The following ASCC3 variants were observed in gnomAD, a reference collection of about 807,000 sequenced individuals.
ASCC3 encodes the protein activating signal cointegrator 1 complex subunit 3, also known as ASC-1 complex subunit P200.
Under a neutral mutation model 256.3 loss-of-function variants are expected in ASCC3, and 158 were observed. That is an observed-to-expected ratio of 0.62 (90% CI 0.54 to 0.70). The LOEUF (loss-of-function observed/expected upper bound fraction) is 0.70, where lower values mean the gene tolerates loss of function less well. Among genes scored for constraint, ASCC3 ranks in the 30% least tolerant of loss-of-function variants. The probability of loss-of-function intolerance (pLI) is 0.00; values close to 1 mark genes in which losing one functional copy is unlikely to be tolerated. For missense variants in ASCC3, 2,259 were observed against 2,626.0 expected (o/e 0.86, Z 3.05); for synonymous variants, 948 against 883.4 (o/e 1.07, Z -1.30).
intron 39 of ASCC3, 46 bp downstream of exon 39, chr6:100,516,134 T>C (rs774733527): frequency 6.2e-7 from 1 of 1,612,600 alleles, no homozygotes; most frequent in Non-Finnish European, 8.5e-7. Context: ...TTGGTACACC[T>C]TCTCAGAGTA....
chr6:100,594,131 T>C (rs772340775), intron 34 of ASCC3, among the ~76,000 whole-genome samples: 3 of 152,106 alleles, frequency 2.0e-5, no homozygotes, highest in African/African-American at 7.2e-5. Context: ...GAGGACTTCA[T>C]AGTAGTATGA....
chr6:100,596,748 T>C (rs1772323468), intron 34 of ASCC3, among the ~76,000 whole-genome samples: 1 of 152,196 alleles, frequency 6.6e-6, no homozygotes, highest in African/African-American at 2.4e-5. Flanking sequence ...TCATTTACAA[T>C]ATTTATTATT....
At chr6:100,667,326 A>C (rs1354383210) in intron 14 of ASCC3, among the ~76,000 whole-genome samples, 2 of 152,170 alleles carry the variant, frequency 1.3e-5, no homozygotes, top group African/African-American at 4.8e-5. Flanking sequence ...ATTAAAGAGC[A>C]CACACAGTGT....
At chr6:100,802,884 T>C (rs1415963727) in intron 5 of ASCC3, among the ~76,000 whole-genome samples, 1 of 151,864 alleles carries the variant, frequency 6.6e-6, no homozygotes, top group East Asian at 1.9e-4. Context: ...GGCACACACC[T>C]GTGGACCCAT....
intron 4 of ASCC3, among the ~76,000 whole-genome samples, chr6:100,828,592 G>A (rs1300050185): frequency 1.3e-5 from 2 of 152,136 alleles, no homozygotes; most frequent in East Asian, 1.9e-4. Flanking sequence ...CTTCTGGTGG[G>A]TTTGTGGTCT....
rs560667390 is a variant in ASCC3, at chr6:100,848,006, C to T, written c.801+142G>A. Reference sequence around the variant, plus strand: ...CATTAGGAACGTATATACAGGCCTGCTATGTGAAACCATTTGGCTATAGAT... The same window carrying T: ...CATTAGGAACGTATATACAGGCCTGTTATGTGAAACCATTTGGCTATAGAT... On this transcript the variant is annotated intron_variant, in intron 4 of 41. Coordinates refer to ENST00000369162, the MANE Select transcript of ASCC3 (RefSeq NM_006828.4). The T allele has an allele frequency of 3.4e-5, 26 of 772,430 alleles. No homozygotes were observed. The South Asian group carries it at 5.2e-4, about 15-fold the overall frequency. 47.8% of individuals were successfully genotyped at this position (772,430 alleles called of 1,614,324 possible). A position where few individuals can be genotyped will look rare whatever the true frequency, so the allele number is the denominator to read the frequency against.
intron 8 of ASCC3, among the ~76,000 whole-genome samples, chr6:100,784,452 C>T (rs912264115): frequency 2.0e-5 from 3 of 152,084 alleles, no homozygotes; most frequent in East Asian, 1.9e-4. Context: ...AAGATGCTTG[C>T]TTTAACATCA....
chr6:100,880,824 AG>A (rs1190058604), intron 1 of ASCC3, among the ~76,000 whole-genome samples: 10 of 152,338 alleles, frequency 6.6e-5, no homozygotes, highest in Admixed American at 4.6e-4. Flanking sequence ...TATGTAGCTT[AG>A]GTTAAGTTTT....
Position 100,508,359 on chromosome 6 carries a change from A to C in ASCC3, c.*1027T>G, listed in dbSNP as rs1470824350. ...AAAACTGAAATTATTTCACAAAGGT[A>C]GAATTTCATTCCACTAGAATGCATA... is the stretch of plus-strand genomic sequence containing the variant. On this transcript the variant is annotated 3_prime_UTR_variant, in exon 42 of 42. Transcript: ENST00000369162. 2 of 152,216 alleles carry C rather than the reference A, an allele frequency of 1.3e-5. No individual in the cohort carries two copies. The highest frequency in any genetic ancestry group is 4.8e-5 in the African/African-American group (2 of 41,460). The allele number at this position is 152,216 out of a possible 1,614,324, so 9.4% of individuals were successfully genotyped here.
At chr6:100,760,865 T>C (rs1781389398) in intron 10 of ASCC3, among the ~76,000 whole-genome samples, 1 of 152,166 alleles carries the variant, frequency 6.6e-6, no homozygotes, top group Non-Finnish European at 1.5e-5. Flanking sequence ...ACAAAAGATC[T>C]ATTCCCATCA....
At chr6:100,730,526 C>T (rs760559281) in intron 10 of ASCC3, among the ~76,000 whole-genome samples, 3 of 152,052 alleles carry the variant, frequency 2.0e-5, no homozygotes, top group East Asian at 1.9e-4. Context: ...GTAGACCAGG[C>T]AACAGCTTGC....
Position 100,798,842 on chromosome 6 carries a change from T to C in ASCC3, c.1270-4A>G, listed in dbSNP as rs759313038. 5.0e-6 allele frequency: 8 copies of C among 1,608,298 alleles called. No individual in the cohort carries two copies. Among genetic ancestry groups the C allele is most frequent in the Non-Finnish European group, 6.8e-6 (8 of 1,176,276 alleles). On this transcript the variant is annotated splice_polypyrimidine_tract_variant and splice_region_variant and intron_variant, in intron 7 of 41. Transcript: ENST00000369162. ...GGATTCCTTCTGGCAAAATCATCTA[T>C]AAACATCAACAATAAAAATCCAATA...
intron 8 of ASCC3, among the ~76,000 whole-genome samples, chr6:100,776,934 T>C (rs979685822): frequency 5.9e-5 from 9 of 151,976 alleles, no homozygotes; most frequent in African/African-American, 2.2e-4. Context: ...ATTTTCACAG[T>C]TTTTCTTCGG....
At chr6:100,805,279 G>T (rs1770117147) in intron 5 of ASCC3, among the ~76,000 whole-genome samples, 1 of 152,054 alleles carries the variant, frequency 6.6e-6, no homozygotes, top group Non-Finnish European at 1.5e-5. Context: ...AATACCTCGT[G>T]TTCTCACTTG....
At chr6:100,611,293 T>C (rs1340413395) in intron 30 of ASCC3, among the ~76,000 whole-genome samples, 9 of 152,104 alleles carry the variant, frequency 5.9e-5, no homozygotes, top group African/African-American at 1.9e-4. Context: ...TTCAAATTAT[T>C]TGAACATCAT....
intron 3 of ASCC3, among the ~76,000 whole-genome samples, chr6:100,853,648 TAG>T (rs1772801277): frequency 6.6e-6 from 1 of 152,074 alleles, no homozygotes; most frequent in South Asian, 2.1e-4. Context: ...AATTTTTTTG[TAG>T]AGTCATTTCA....
At chr6:100,692,006 A>G (rs987822259) in intron 13 of ASCC3, among the ~76,000 whole-genome samples, 8 of 152,076 alleles carry the variant, frequency 5.3e-5, no homozygotes, top group Non-Finnish European at 8.8e-5. Context: ...GGCACATGGA[A>G]GTGATCTATT....
chr6:100,768,422 G>A (rs1781768183), intron 8 of ASCC3, among the ~76,000 whole-genome samples: 2 of 152,074 alleles, frequency 1.3e-5, no homozygotes, highest in African/African-American at 4.8e-5. Flanking sequence ...GCAGAAACTT[G>A]GAATGGCTAT....
chr6:100,661,809 T>G lies in ASCC3; in HGVS notation c.2700A>C (p.Ala900=), dbSNP rs1281755507. The G allele has an allele frequency of 6.2e-7, 1 of 1,612,702 alleles. No individual in the cohort carries two copies. The highest frequency in any genetic ancestry group is 1.3e-5 in the African/African-American group (1 of 74,854). Residue 900 remains alanine, a synonymous_variant, in exon 16 of 42, where the codon GCA becomes GCC. Transcript: ENST00000369162. ...ACTTTTACTCATTAGATCTTACCTC[T>G]GCATTTAGGTTATCTGCAAGGCTTT... ...FLESLADNLN[A]EIALGTVTNV... is the part of the protein sequence containing the mutation.
Sources: allele counts gnomAD v4.1 joint callset (sites outside exome capture counted in the v4.1 genomes callset), GRCh38; gene constraint gnomAD v4.1.1; transcripts MANE v1.5; gene names NCBI Gene and HGNC (gene_info 2026-07-23, HGNC 2026-07-21).